TEC: variants seen among roughly 807,000 people sequenced by gnomAD.
TEC encodes the protein tec protein tyrosine kinase, also known as tyrosine-protein kinase Tec.
In TEC, 72 loss-of-function variants were observed where a neutral mutation model predicts 93.0. The ratio of observed to expected loss-of-function variants is 0.77; its 90% CI spans 0.64 to 0.94. The LOEUF (loss-of-function observed/expected upper bound fraction) is 0.94. TEC is among the 40% of genes least tolerant of loss of function. The pLI is 0.00. For synonymous variants in TEC, 249 were observed against 247.7 expected, an observed-to-expected ratio of 1.01 and a Z score of -0.05; for missense variants, 630 against 757.9, an observed-to-expected ratio of 0.83 and a Z score of 1.98.
intron 2 of TEC, among the ~76,000 whole-genome samples, chr4:48,216,193 C>T (rs1332790058): frequency 6.6e-6 from 1 of 151,666 alleles, no homozygotes; most frequent in African/African-American, 2.4e-5. Context: ...CCCATCATTG[C>T]TCACATTCTC....
intron 8 of TEC, among the ~76,000 whole-genome samples, chr4:48,162,506 T>TAA (rs1720713944): frequency 6.6e-6 from 1 of 152,234 alleles, no homozygotes; most frequent in South Asian, 2.1e-4. Flanking sequence ...GCTATCGCTT[T>TAA]AAAACCAGGC....
intron 2 of TEC, among the ~76,000 whole-genome samples, chr4:48,182,284 CAAA>C (rs34844220): frequency 1.4e-5 from 2 of 140,932 alleles, no homozygotes; most frequent in Non-Finnish European, 1.5e-5. Context: ...GACTCCATCT[CAAA>C]AAAAAAAAAA....
At chr4:48,235,827 T>C (rs1723768074) in intron 1 of TEC, among the ~76,000 whole-genome samples, 1 of 152,236 alleles carries the variant, frequency 6.6e-6, no homozygotes, top group Non-Finnish European at 1.5e-5. Flanking sequence ...GCACTTTCAA[T>C]GTATTGAATC....
In TEC at chr4:48,243,967, T is replaced by TTA. The variant is rs1553895389; in HGVS notation, c.-45-15309_-45-15308insTA. On this transcript the variant is annotated intron_variant, in intron 1 of 17. Transcript: ENST00000381501. Reference sequence around the variant, plus strand: ...TGTACCCTAGAACTTAAAGTATAATTAAAAAAAAAAAAAAAGAGGTAGAGA... The same window carrying TTA: ...TGTACCCTAGAACTTAAAGTATAATTTAAAAAAAAAAAAAAAAGAGGTAGAGA... Among the ~76,000 whole-genome samples the TTA allele has an allele frequency of 6.0e-5, 8 of 132,658 alleles. No homozygotes were observed. In the East Asian group the frequency reaches 1.6e-3, roughly 27 times the overall value. The allele number at this position is 132,658 out of a possible 152,430, so 87.0% of individuals were successfully genotyped here.
chr4:48,269,593 C>T (rs548653251), intron 1 of TEC, among the ~76,000 whole-genome samples, 159 bp downstream of exon 1: 1 of 152,388 alleles, frequency 6.6e-6, no homozygotes, highest in South Asian at 2.1e-4. Flanking sequence ...AGAGACGGCG[C>T]ACCCGCGCTC....
intron 1 of TEC, among the ~76,000 whole-genome samples, chr4:48,239,899 G>A (rs562029862): frequency 3.9e-5 from 6 of 151,956 alleles, no homozygotes; most frequent in Non-Finnish European, 8.8e-5. Flanking sequence ...TTGATATTAA[G>A]GTTCATCGGT....
intron 14 of TEC, 174 bp from the exon 15 acceptor site, chr4:48,141,593 G>A: frequency 5.8e-6 from 3 of 516,108 alleles, no homozygotes; most frequent in Non-Finnish European, 1.0e-5. Flanking sequence ...TTGTGTATTT[G>A]AAAAAAATGA....
intron 11 of TEC, among the ~76,000 whole-genome samples, chr4:48,148,353 A>G (rs1005252032): frequency 1.3e-5 from 2 of 152,192 alleles, no homozygotes; most frequent in South Asian, 2.1e-4. Context: ...AAAATTTTTC[A>G]TAAGTTGTGT....
chr4:48,266,850 A>AG (rs1232411113), intron 1 of TEC, among the ~76,000 whole-genome samples: 1 of 152,118 alleles, frequency 6.6e-6, no homozygotes, highest in African/African-American at 2.4e-5. Context: ...AAAAAAAAAA[A>AG]AACGAAAAAA....
intron 1 of TEC, among the ~76,000 whole-genome samples, chr4:48,255,101 A>C (rs1262049318): frequency 6.6e-6 from 1 of 152,236 alleles, no homozygotes; most frequent in Non-Finnish European, 1.5e-5. Flanking sequence ...AAACAACAAC[A>C]AAAGGAACAC....
At chr4:48,178,945 G>A (rs546250812) in intron 2 of TEC, among the ~76,000 whole-genome samples, 6 of 152,236 alleles carry the variant, frequency 3.9e-5, no homozygotes, top group African/African-American at 1.2e-4. Context: ...GGCTGTTATC[G>A]AAAACATTAC....
At chr4:48,175,528 T>C (rs1361771140) in intron 3 of TEC, among the ~76,000 whole-genome samples, 2 of 152,166 alleles carry the variant, frequency 1.3e-5, no homozygotes, top group East Asian at 3.8e-4. Flanking sequence ...GGAACCAAGA[T>C]ACTGGCAGGA....
At chr4:48,140,343 A>G (rs981145094) in intron 15 of TEC, among the ~76,000 whole-genome samples, 1 of 152,122 alleles carries the variant, frequency 6.6e-6, no homozygotes, top group African/African-American at 2.4e-5. Context: ...TACCTGAAAT[A>G]GTTTATCCTT....
intron 2 of TEC, among the ~76,000 whole-genome samples, chr4:48,227,598 G>A (rs751486911): frequency 4.3e-5 from 6 of 140,472 alleles, no homozygotes; most frequent in Admixed American, 7.6e-5. Flanking sequence ...AGCCGAGATC[G>A]CATCACTGCA....
At chr4:48,140,185 A>C (rs540616906) in intron 15 of TEC, among the ~76,000 whole-genome samples, 25 of 152,286 alleles carry the variant, frequency 1.6e-4, no homozygotes, top group African/African-American at 6.0e-4. Flanking sequence ...TTTCCTTAGG[A>C]GTTAAACTTG....
intron 1 of TEC, among the ~76,000 whole-genome samples, chr4:48,267,302 A>G (rs900681822): frequency 5.3e-5 from 8 of 152,208 alleles, no homozygotes; most frequent in Admixed American, 2.0e-4. Flanking sequence ...AGCTGCGGTC[A>G]TCTGAGCTCT....
At chr4:48,203,257 G>A (rs1487173316) in intron 2 of TEC, among the ~76,000 whole-genome samples, 1 of 152,020 alleles carries the variant, frequency 6.6e-6, no homozygotes, top group Non-Finnish European at 1.5e-5. Flanking sequence ...CCCAGCTACT[G>A]GGGAGGCTGA....
chr4:48,182,964 T>G (rs937577328), intron 2 of TEC, among the ~76,000 whole-genome samples: 1 of 152,170 alleles, frequency 6.6e-6, no homozygotes, highest in Non-Finnish European at 1.5e-5. Context: ...GGGAAAGGCT[T>G]GCCAGGGTGT....
intron 2 of TEC, among the ~76,000 whole-genome samples, chr4:48,183,188 A>G (rs1454585981): frequency 6.6e-6 from 1 of 152,214 alleles, no homozygotes; most frequent in African/African-American, 2.4e-5. Context: ...GACCTAGGGC[A>G]ATCCCAGTTT....
Sources: gnomAD v4.1 joint callset for allele counts (sites outside exome capture counted in the v4.1 genomes callset) on GRCh38, gnomAD v4.1.1 for gene constraint, MANE v1.5 for transcripts, NCBI Gene and HGNC (gene_info 2026-07-23, HGNC 2026-07-21) for gene names.